Variants in RBFOX1 observed in about 807,000 individuals in gnomAD.
RBFOX1 encodes the protein RNA binding protein fox-1 homolog 1.
Under a neutral mutation model 57.7 loss-of-function variants are expected in RBFOX1, and 8 were observed. The ratio of observed to expected loss-of-function variants is 0.14; its 90% CI spans 0.08 to 0.25. The LOEUF (loss-of-function observed/expected upper bound fraction) is 0.25, where lower values mean the gene tolerates loss of function less well. Ranked by LOEUF, RBFOX1 falls within the 10% of genes least tolerant of loss-of-function variation. The pLI, the probability that RBFOX1 is intolerant of heterozygous loss-of-function variation, is 1.00. For missense variants in RBFOX1, 611 were observed against 548.5 expected (o/e 1.11, Z -1.14); for synonymous variants, 326 against 222.4 (o/e 1.47, Z -4.15).
intron 3 of RBFOX1, among the ~76,000 whole-genome samples, chr16:6,962,139 G>C (rs986088216): frequency 6.6e-6 from 1 of 152,134 alleles, no homozygotes; most frequent in African/African-American, 2.4e-5. Context: ...CTGAAGTCTT[G>C]ATAGGAGAAT....
At chr16:6,800,471 CG>C (rs1314747148) in intron 3 of RBFOX1, among the ~76,000 whole-genome samples, 1 of 152,046 alleles carries the variant, frequency 6.6e-6, no homozygotes, top group Non-Finnish European at 1.5e-5. Context: ...CAATAAGTCT[CG>C]GGTGGGGTCG....
chr16:7,493,838 C>G (rs987480941), intron 4 of RBFOX1, among the ~76,000 whole-genome samples: 3 of 152,210 alleles, frequency 2.0e-5, no homozygotes, highest in African/African-American at 7.2e-5. Context: ...TTTGTTATAA[C>G]AACAATAGAA....
At chr16:6,562,059 C>G (rs752745193) in intron 2 of RBFOX1, among the ~76,000 whole-genome samples, 1 of 152,158 alleles carries the variant, frequency 6.6e-6, no homozygotes, top group Non-Finnish European at 1.5e-5. Context: ...GGATATTACT[C>G]ATTTCCATCA....
intron 3 of RBFOX1, among the ~76,000 whole-genome samples, chr16:6,985,083 G>A (rs2089939680): frequency 7.5e-6 from 1 of 134,068 alleles, no homozygotes; most frequent in African/African-American, 2.8e-5. Flanking sequence ...TCAAGATTCT[G>A]GAATTTCCTC....
chr16:7,619,241 A>T (rs2058933267), intron 10 of RBFOX1, among the ~76,000 whole-genome samples: 7 of 152,134 alleles, frequency 4.6e-5, no homozygotes, highest in Admixed American at 4.6e-4. Context: ...TATTTGTATG[A>T]TTCTAGTGTT....
intron 3 of RBFOX1, among the ~76,000 whole-genome samples, chr16:6,862,225 G>C (rs1024541535): frequency 1.4e-4 from 21 of 152,142 alleles, no homozygotes; most frequent in African/African-American, 4.8e-4. Context: ...ACTCTAGAGA[G>C]TTATTGCACA....
chr16:6,418,366 G>A (rs976243033), intron 2 of RBFOX1, among the ~76,000 whole-genome samples: 3 of 152,006 alleles, frequency 2.0e-5, no homozygotes, highest in East Asian at 3.9e-4. Context: ...AGGACTAAGG[G>A]CACATAATAA....
At chr16:5,351,588 T>C (rs909889921) in intron 1 of RBFOX1, among the ~76,000 whole-genome samples, 1 of 152,226 alleles carries the variant, frequency 6.6e-6, no homozygotes, top group Admixed American at 6.5e-5. Context: ...AAAAATTTCA[T>C]TGCAAATATT....
At chr16:5,415,571 T>C (rs1329594844) in intron 1 of RBFOX1, among the ~76,000 whole-genome samples, 3 of 152,156 alleles carry the variant, frequency 2.0e-5, no homozygotes, top group Non-Finnish European at 2.9e-5. Flanking sequence ...CTTAAAAGAT[T>C]AGCTCTTAGG....
rs1258627485 is a variant in RBFOX1, at chr16:7,557,880, C to T, written c.271-21897C>T. Among the ~76,000 whole-genome samples, 3 of 152,034 alleles carry T rather than the reference C, an allele frequency of 2.0e-5. No homozygotes were observed. In the East Asian group the frequency reaches 5.8e-4, roughly 29 times the overall value. On this transcript the variant is annotated intron_variant, in intron 5 of 15. Coordinates refer to ENST00000550418, the MANE Select transcript of RBFOX1 (RefSeq NM_018723.4). Reference sequence around the variant, plus strand: ...TCCCATCATGGCCATTGCAAGATACCAATGCCTCGTCACTGAACACAGAGT... The same window carrying T: ...TCCCATCATGGCCATTGCAAGATACTAATGCCTCGTCACTGAACACAGAGT...
intron 3 of RBFOX1, among the ~76,000 whole-genome samples, chr16:5,638,284 C>T (rs1364026808): frequency 7.2e-5 from 11 of 152,166 alleles, no homozygotes; most frequent in Non-Finnish European, 1.3e-4. Flanking sequence ...GGGTCCAACC[C>T]ACACATTCTG....
chr16:6,259,372 C>G (rs139159859), intron 1 of RBFOX1, among the ~76,000 whole-genome samples: 15 of 152,286 alleles, frequency 9.8e-5, no homozygotes, highest in African/African-American at 3.4e-4. Context: ...AAAACTTCAT[C>G]AGGACTCACA....
At chr16:6,465,657 G>A (rs558267557) in intron 2 of RBFOX1, among the ~76,000 whole-genome samples, 2 of 141,184 alleles carry the variant, frequency 1.4e-5, no homozygotes, top group South Asian at 4.7e-4. Context: ...CTTAAATTAA[G>A]CGCTATTGGA....
intron 2 of RBFOX1, among the ~76,000 whole-genome samples, chr16:6,492,357 C>T (rs2095652447): frequency 2.6e-5 from 4 of 152,158 alleles, no homozygotes; most frequent in African/African-American, 9.7e-5. Context: ...ATCATGAGGT[C>T]AGGAGTTCAA....
chr16:5,765,719 A>G (rs1435186948), intron 3 of RBFOX1, among the ~76,000 whole-genome samples: 1 of 152,224 alleles, frequency 6.6e-6, no homozygotes, highest in African/African-American at 2.4e-5. Flanking sequence ...TGTGTTTTCA[A>G]AATCAGCCAG....
At chr16:5,463,244 A>G (rs960605371) in intron 1 of RBFOX1, among the ~76,000 whole-genome samples, 1 of 152,106 alleles carries the variant, frequency 6.6e-6, no homozygotes, top group Non-Finnish European at 1.5e-5. Context: ...TTTGTTTTTT[A>G]TAAATCCAAC....
At chr16:7,187,124 G>T (rs1036120067) in intron 4 of RBFOX1, among the ~76,000 whole-genome samples, 2 of 151,852 alleles carry the variant, frequency 1.3e-5, no homozygotes, top group Non-Finnish European at 2.9e-5. Flanking sequence ...AGCCATGATG[G>T]TGCCACTGCA....
intron 2 of RBFOX1, among the ~76,000 whole-genome samples, chr16:6,443,709 A>C (rs2094431822): frequency 6.6e-6 from 1 of 152,162 alleles, no homozygotes; most frequent in Admixed American, 6.5e-5. Flanking sequence ...TCATTTACTA[A>C]GTCATTCTTT....
At chr16:6,476,106 C>A (rs1403129462) in intron 2 of RBFOX1, among the ~76,000 whole-genome samples, 1 of 152,152 alleles carries the variant, frequency 6.6e-6, no homozygotes, top group Non-Finnish European at 1.5e-5. Flanking sequence ...CAATGTCAGT[C>A]ATCGACACTC....
Sources: allele counts gnomAD v4.1 joint callset (sites outside exome capture counted in the v4.1 genomes callset), GRCh38; gene constraint gnomAD v4.1.1; transcripts MANE v1.5; gene names NCBI Gene and HGNC (gene_info 2026-07-23, HGNC 2026-07-21).